The following NRG3 variants were observed in gnomAD, a reference collection of about 807,000 sequenced individuals.
NRG3 encodes neuregulin 3.
In NRG3, 31 loss-of-function variants were observed where a neutral mutation model predicts 66.9. That is an observed-to-expected ratio of 0.46 (90% CI 0.35 to 0.63). NRG3 has a LOEUF of 0.63. Among genes scored for constraint, NRG3 ranks in the 20% least tolerant of loss-of-function variants. The pLI is 0.00. For missense variants in NRG3, 910 were observed against 878.9 expected (o/e 1.04, Z -0.45); for synonymous variants, 393 against 359.4 (o/e 1.09, Z -1.06).
intron 1 of NRG3, among the ~76,000 whole-genome samples, chr10:82,123,058 C>T (rs752797660): frequency 1.3e-5 from 2 of 151,264 alleles, no homozygotes; most frequent in Admixed American, 6.6e-5. Context: ...AATGGATTCA[C>T]GTGGAACTAT....
chr10:82,343,951 T>G (rs1025013848), intron 1 of NRG3, among the ~76,000 whole-genome samples: 3 of 152,264 alleles, frequency 2.0e-5, no homozygotes, highest in Middle Eastern at 3.4e-3. Context: ...TATTAAATAT[T>G]TTGAACATCA....
intron 2 of NRG3, among the ~76,000 whole-genome samples, chr10:82,669,650 C>T (rs1046431326): frequency 2.0e-5 from 3 of 152,100 alleles, no homozygotes; most frequent in African/African-American, 4.8e-5. Context: ...CGCAACATGC[C>T]GGGCGCGGTG....
chr10:81,960,923 C>A (rs375004142), intron 1 of NRG3, among the ~76,000 whole-genome samples: 30 of 152,190 alleles, frequency 2.0e-4, no homozygotes, highest in African/African-American at 7.2e-4. Flanking sequence ...CCAAGCCTAT[C>A]CTTGTTCTAA....
Position 82,529,675 on chromosome 10 carries a change from A to G in NRG3, c.953+170807A>G, listed in dbSNP as rs201386733. 3.9e-5 allele frequency among the ~76,000 whole-genome samples: 6 copies of G among 152,320 alleles called. No homozygotes were observed. The East Asian group carries it at 9.6e-4, about 24-fold the overall frequency. On this transcript the variant is annotated intron_variant, in intron 2 of 8. Coordinates refer to ENST00000372141, the MANE Select transcript of NRG3 (RefSeq NM_001010848.4). ...TGTTTCTCTACATTTAGCATCCTCC[A>G]TGGGAACTGTAGTGAAATCACTGAC...
intron 2 of NRG3, among the ~76,000 whole-genome samples, chr10:82,367,845 A>T (rs2135708204): frequency 6.6e-6 from 1 of 152,160 alleles, no homozygotes; most frequent in African/African-American, 2.4e-5. Flanking sequence ...AATACAAAAT[A>T]TTAGCCAGGT....
Position 82,410,208 on chromosome 10 carries a change from A to G in NRG3, c.953+51340A>G, listed in dbSNP as rs904499016. Reference sequence around the variant, plus strand: ...ATGATTTGTGGTCATTAAGAAATCTATGGCTGGGCGTGGTGGCTCACGCCT... The same window carrying G: ...ATGATTTGTGGTCATTAAGAAATCTGTGGCTGGGCGTGGTGGCTCACGCCT... On this transcript the variant is annotated intron_variant, in intron 2 of 8. Coordinates refer to ENST00000372141, the MANE Select transcript of NRG3 (RefSeq NM_001010848.4). Among the ~76,000 whole-genome samples the G allele has an allele frequency of 5.9e-5, 9 of 152,244 alleles. No homozygotes were observed. The South Asian group carries it at 1.0e-3, about 18-fold the overall frequency.
intron 2 of NRG3, among the ~76,000 whole-genome samples, chr10:82,483,899 A>G (rs373876830): frequency 2.0e-4 from 31 of 152,346 alleles, no homozygotes; most frequent in African/African-American, 7.0e-4. Flanking sequence ...TCTTATGACT[A>G]CTTCTAAGAA....
intron 1 of NRG3, among the ~76,000 whole-genome samples, chr10:82,065,888 A>G (rs1564785775): frequency 6.6e-6 from 1 of 152,188 alleles, no homozygotes; most frequent in Non-Finnish European, 1.5e-5. Context: ...TAAAAATTAT[A>G]AATCAAATTG....
In NRG3 at chr10:82,743,166, G is replaced by A. The variant is rs544677900; in HGVS notation, c.1027+4516G>A. 5.9e-5 allele frequency among the ~76,000 whole-genome samples: 9 copies of A among 152,228 alleles called. 1 individual carries two copies. The South Asian group carries it at 1.9e-3, about 32-fold the overall frequency. ...AGCATATTCCTGGCTGTGATGGCAG[G>A]CTTGAGTCTGCAGGCTCAAGCTCTG... On this transcript the variant is annotated intron_variant, in intron 3 of 8. Transcript: ENST00000372141.
chr10:82,284,540 A>T (rs1435557765), intron 1 of NRG3, among the ~76,000 whole-genome samples: 1 of 152,202 alleles, frequency 6.6e-6, no homozygotes, highest in African/African-American at 2.4e-5. Flanking sequence ...TCCATTTTCC[A>T]TTTAATTTAT....
rs569746244 is a variant in NRG3 at position 82,506,301 on chromosome 10, C to A, written c.953+147433C>A. Reference sequence around the variant, plus strand: ...CTTTGCGAGGAATGTTGCAAGCTGTCCCAGTGCTGCCTTGATGCCTCTTCA... The same window carrying A: ...CTTTGCGAGGAATGTTGCAAGCTGTACCAGTGCTGCCTTGATGCCTCTTCA... On this transcript the variant is annotated intron_variant, in intron 2 of 8. Coordinates refer to ENST00000372141, the MANE Select transcript of NRG3 (RefSeq NM_001010848.4). 2.0e-5 allele frequency among the ~76,000 whole-genome samples: 3 copies of A among 152,308 alleles called. No homozygotes were observed. The East Asian group carries it at 5.8e-4, about 29-fold the overall frequency.
At chr10:82,488,971 T>A (rs1386706613) in intron 2 of NRG3, among the ~76,000 whole-genome samples, 1 of 152,156 alleles carries the variant, frequency 6.6e-6, no homozygotes, top group African/African-American at 2.4e-5. Flanking sequence ...TTACCTAATA[T>A]ATATATAGGC....
chr10:82,966,394 C>T (rs1369541838), intron 6 of NRG3, among the ~76,000 whole-genome samples: 1 of 152,016 alleles, frequency 6.6e-6, no homozygotes, highest in East Asian at 1.9e-4. Flanking sequence ...GAATTTGATT[C>T]TTTTCTTATG....
rs374393958 is a variant in NRG3, at chr10:82,583,740, C to T, written c.954-154837C>T. ...CCCATGCTAAAAAGGGCCTTCCACT[C>T]GGTTGAGTGCTCTGCCATCACTATT... On this transcript the variant is annotated intron_variant, in intron 2 of 8. Transcript: ENST00000372141. Among the ~76,000 whole-genome samples, 19 of 152,270 alleles carry T rather than the reference C, an allele frequency of 1.2e-4. No individual in the cohort carries two copies. In the East Asian group the frequency reaches 1.5e-3, roughly 12 times the overall value.
At chr10:82,966,415 G>T (rs909807925) in intron 6 of NRG3, among the ~76,000 whole-genome samples, 1 of 152,028 alleles carries the variant, frequency 6.6e-6, no homozygotes. Context: ...ATTACATGGG[G>T]TTTACTGGTT....
chr10:82,317,997 G>A (rs2081378194), intron 1 of NRG3, among the ~76,000 whole-genome samples: 1 of 151,802 alleles, frequency 6.6e-6, no homozygotes, highest in South Asian at 2.1e-4. Context: ...AAAATTCAGG[G>A]AATCTGCATT....
chr10:82,732,720 G>T (rs2057972654), intron 2 of NRG3, among the ~76,000 whole-genome samples: 1 of 152,138 alleles, frequency 6.6e-6, no homozygotes, highest in Non-Finnish European at 1.5e-5. Context: ...ACTGTTATCT[G>T]CATTTTACAA....
chr10:82,200,652 C>A (rs951055269), intron 1 of NRG3, among the ~76,000 whole-genome samples: 1 of 152,048 alleles, frequency 6.6e-6, no homozygotes, highest in Non-Finnish European at 1.5e-5. Flanking sequence ...GAAAGTAAGT[C>A]GCATGCCCGA....
intron 1 of NRG3, among the ~76,000 whole-genome samples, chr10:81,878,548 G>A (rs1564627545): frequency 6.6e-6 from 1 of 152,146 alleles, no homozygotes; most frequent in Non-Finnish European, 1.5e-5. Context: ...GAGATTATCA[G>A]CAGTGCTACT....
Sources: gnomAD v4.1 joint callset for allele counts (sites outside exome capture counted in the v4.1 genomes callset) on GRCh38, gnomAD v4.1.1 for gene constraint, MANE v1.5 for transcripts, NCBI Gene and HGNC (gene_info 2026-07-23, HGNC 2026-07-21) for gene names.